The following ATRNL1 variants were observed in gnomAD, a reference collection of about 807,000 sequenced individuals.
The protein encoded by ATRNL1 is attractin like 1.
ATRNL1 carries 95 observed loss-of-function variants against 182.7 expected under a neutral mutation model. The observed-to-expected ratio is 0.52, with a 90% CI of 0.44 to 0.62. ATRNL1 has a LOEUF of 0.62. ATRNL1 is among the 20% of genes least tolerant of loss of function. ATRNL1 has a pLI of 0.00. For missense variants in ATRNL1, 1,471 were observed against 1,679.5 expected (o/e 0.88, Z 2.17); for synonymous variants, 576 against 568.3 (o/e 1.01, Z -0.19).
At chr10:115,104,758 C>T (rs1422188656) in intron 1 of ATRNL1, among the ~76,000 whole-genome samples, 1 of 152,154 alleles carries the variant, frequency 6.6e-6, no homozygotes, top group East Asian at 1.9e-4. Flanking sequence ...CATTATTCTT[C>T]ATATGGATAT....
intron 18 of ATRNL1, among the ~76,000 whole-genome samples, chr10:115,330,906 T>G (rs1488394671): frequency 6.6e-6 from 1 of 152,124 alleles, no homozygotes; most frequent in African/African-American, 2.4e-5. Flanking sequence ...TGAACACTAA[T>G]GATACACAGA....
intron 18 of ATRNL1, among the ~76,000 whole-genome samples, chr10:115,325,040 T>C (rs1426546628): frequency 6.6e-6 from 1 of 152,212 alleles, no homozygotes; most frequent in Non-Finnish European, 1.5e-5. Flanking sequence ...ATTAAGATTG[T>C]CACAAAGATA....
intron 28 of ATRNL1, among the ~76,000 whole-genome samples, chr10:115,878,601 C>T (rs77380435): frequency 9.4e-4 from 143 of 152,266 alleles, no homozygotes; most frequent in African/African-American, 3.4e-3. Flanking sequence ...CAAGCAGTTT[C>T]CTTTTGCATT....
intron 19 of ATRNL1, among the ~76,000 whole-genome samples, chr10:115,365,202 G>A (rs1345879476): frequency 7.2e-5 from 11 of 152,300 alleles, no homozygotes; most frequent in Middle Eastern, 3.4e-3. Flanking sequence ...TTCAGCTCCC[G>A]TTATTGGTCT....
intron 10 of ATRNL1, among the ~76,000 whole-genome samples, chr10:115,261,033 T>C (rs1851369705): frequency 6.6e-6 from 1 of 151,524 alleles, no homozygotes; most frequent in East Asian, 1.9e-4. Context: ...CCCAGAAAAA[T>C]AAATACAAAA....
chr10:115,432,905 C>T (rs1473833840), intron 21 of ATRNL1, among the ~76,000 whole-genome samples: 12 of 151,688 alleles, frequency 7.9e-5, no homozygotes, highest in African/African-American at 2.7e-4. Context: ...TGTAGAAATG[C>T]TATATAGATG....
At chr10:115,332,808 A>G (rs972040550) in intron 18 of ATRNL1, among the ~76,000 whole-genome samples, 3 of 148,732 alleles carry the variant, frequency 2.0e-5, no homozygotes, top group Admixed American at 6.7e-5. Context: ...GCAGTTTTAC[A>G]TGCTATTTAA....
intron 26 of ATRNL1, among the ~76,000 whole-genome samples, chr10:115,563,887 G>C (rs1853914503): frequency 6.6e-6 from 1 of 151,972 alleles, no homozygotes; most frequent in African/African-American, 2.4e-5. Flanking sequence ...CTCAACCAAA[G>C]AGGATATCTT....
At chr10:115,429,937 G>A (rs781930869) in intron 21 of ATRNL1, among the ~76,000 whole-genome samples, 8 of 152,100 alleles carry the variant, frequency 5.3e-5, no homozygotes, top group East Asian at 3.9e-4. Context: ...CGGGCGTGGT[G>A]GCGGGCGCCT....
At position 115,461,963 on chromosome 10, in the gene ATRNL1, A is replaced by G. The variant is rs1164550986; in HGVS notation, c.3345A>G (p.Gln1115=). The change falls in exon 22 of 29, where the codon CAA becomes CAG. Residue 1115 remains glutamine, a synonymous_variant. Transcript: ENST00000355044. The stretch of plus-strand genomic sequence containing the variant: ...CAGACAGCCTTTTGATTGATTATCA[A>G]TTTACCTTCAGCTTATTACAGGAAG... ...TCYYSLLIDY[Q]FTFSLLQEDD... The G allele has an allele frequency of 8.1e-6, 13 of 1,610,410 alleles. No individual in the cohort carries two copies. Among genetic ancestry groups the G allele is most frequent in the Admixed American group, 5.0e-5 (3 of 59,672 alleles).
chr10:115,730,589 C>T (rs1337755109), intron 27 of ATRNL1, among the ~76,000 whole-genome samples: 1 of 151,876 alleles, frequency 6.6e-6, no homozygotes, highest in Non-Finnish European at 1.5e-5. Flanking sequence ...TATTTCTTCC[C>T]AAGTAATAAA....
At chr10:115,353,658 C>A (rs1273769252) in intron 19 of ATRNL1, among the ~76,000 whole-genome samples, 1 of 152,084 alleles carries the variant, frequency 6.6e-6, no homozygotes, top group African/African-American at 2.4e-5. Flanking sequence ...TTCCTCTCTT[C>A]CTTTTTAGAT....
At chr10:115,347,837 CTA>C (rs1277469622) in intron 19 of ATRNL1, among the ~76,000 whole-genome samples, 6 of 151,748 alleles carry the variant, frequency 4.0e-5, no homozygotes, top group South Asian at 2.1e-4. Flanking sequence ...TATATGTATA[CTA>C]TATATATATG....
In ATRNL1 at chr10:115,532,928, G is replaced by A. The variant is rs536826918; in HGVS notation, c.3716+13604G>A. On this transcript the variant is annotated intron_variant, in intron 25 of 28. Transcript: ENST00000355044. Reference sequence around the variant, plus strand: ...TGCTGGATTACATTTATTGATTTGCGTATATTGAACCAGCCTTGCATCCCA... The same window carrying A: ...TGCTGGATTACATTTATTGATTTGCATATATTGAACCAGCCTTGCATCCCA... Among the ~76,000 whole-genome samples, 402 of 151,026 alleles carry A rather than the reference G, an allele frequency of 2.7e-3. 1 individual carries two copies. The highest frequency in any genetic ancestry group is 8.9e-3 in the African/African-American group (366 of 41,310).
At chr10:115,602,736 A>G (rs2133946380) in intron 26 of ATRNL1, among the ~76,000 whole-genome samples, 1 of 152,040 alleles carries the variant, frequency 6.6e-6, no homozygotes, top group East Asian at 2.0e-4. Flanking sequence ...GGTGGCAGGC[A>G]CCTGTAGTCA....
intron 27 of ATRNL1, among the ~76,000 whole-genome samples, chr10:115,757,436 A>C (rs1315297128): frequency 1.3e-5 from 2 of 152,190 alleles, no homozygotes; most frequent in East Asian, 3.9e-4. Context: ...TTCGCTGGAT[A>C]TGAAATTCTG....
rs2134095489 is a variant in ATRNL1, at chr10:115,740,698, G to A, written c.3903+13343G>A. Among the ~76,000 whole-genome samples, 2 of 152,114 alleles carry A rather than the reference G, an allele frequency of 1.3e-5. 1 individual carries two copies. Among genetic ancestry groups the A allele is most frequent in the South Asian group, 4.2e-4 (2 of 4,810 alleles). Reference sequence around the variant, plus strand: ...TTTTTGTATTTTTAGTAGAGATGGTGATTCACCATGTTGGCCAGGCTGGCC... The same window carrying A: ...TTTTTGTATTTTTAGTAGAGATGGTAATTCACCATGTTGGCCAGGCTGGCC... On this transcript the variant is annotated intron_variant, in intron 27 of 28. Transcript: ENST00000355044.
At chr10:115,430,679 A>G (rs879947115) in intron 21 of ATRNL1, among the ~76,000 whole-genome samples, 2 of 152,132 alleles carry the variant, frequency 1.3e-5, no homozygotes, top group East Asian at 3.9e-4. Context: ...TTTGTTAACT[A>G]TTTTTAATTT....
intron 13 of ATRNL1, among the ~76,000 whole-genome samples, chr10:115,274,156 G>A (rs1484954258): frequency 6.6e-6 from 1 of 152,184 alleles, no homozygotes; most frequent in Non-Finnish European, 1.5e-5. Flanking sequence ...CATCCTGTCT[G>A]CCACTGATAT....
Sources: allele counts gnomAD v4.1 joint callset (sites outside exome capture counted in the v4.1 genomes callset), GRCh38; gene constraint gnomAD v4.1.1; transcripts MANE v1.5; gene names NCBI Gene and HGNC (gene_info 2026-07-23, HGNC 2026-07-21).